The following CACNA1A variants were observed in gnomAD, a reference collection of about 807,000 sequenced individuals.
CACNA1A encodes voltage-dependent P/Q-type calcium channel subunit alpha-1A.
Under a neutral mutation model 262.4 loss-of-function variants are expected in CACNA1A, and 57 were observed. The observed-to-expected ratio is 0.22, with a 90% CI of 0.18 to 0.27. CACNA1A has a LOEUF of 0.27. Among genes scored for constraint, CACNA1A ranks in the 10% least tolerant of loss-of-function variants. The pLI, the probability that CACNA1A is intolerant of heterozygous loss-of-function variation, is 1.00. For missense variants in CACNA1A, 2,526 were observed against 3,562.8 expected, an observed-to-expected ratio of 0.71 and a Z score of 7.41; for synonymous variants, 1,431 against 1,419.3, an observed-to-expected ratio of 1.01 and a Z score of -0.18.
chr19:13,304,434 G>C (rs946914896), intron 15 of CACNA1A, among the ~76,000 whole-genome samples: 1 of 151,788 alleles, frequency 6.6e-6, no homozygotes, highest in African/African-American at 2.4e-5. Flanking sequence ...TTCAAGATTA[G>C]CCTGGGCAAT....
chr19:13,318,790 C>T lies in CACNA1A; in HGVS notation c.1346-1469G>A, dbSNP rs2058183819. ...ACAAAGGAATGGATGAATTGGTGAA[C>T]CCCTTAAGGGATGGAGCTCTCATCC... On this transcript the variant is annotated intron_variant, in intron 10 of 46. Transcript: ENST00000360228. Among the ~76,000 whole-genome samples the T allele has an allele frequency of 1.3e-5, 2 of 152,054 alleles. 1 individual carries two copies. Among genetic ancestry groups the T allele is most frequent in the South Asian group, 4.2e-4 (2 of 4,810 alleles).
At chr19:13,274,300 C>G (rs2057096018) in intron 24 of CACNA1A, 1 of 152,126 alleles carries the variant, frequency 6.6e-6, no homozygotes, top group African/African-American at 2.4e-5. Context: ...AGAGAAGAAT[C>G]TAAGTGTGGC....
intron 6 of CACNA1A, among the ~76,000 whole-genome samples, chr19:13,344,104 C>T (rs1260526038): frequency 2.6e-5 from 4 of 151,232 alleles, no homozygotes; most frequent in Non-Finnish European, 4.4e-5. Context: ...GTCCCAGCTA[C>T]TGGGGATGCT....
At chr19:13,337,528 G>A (rs190642692) in intron 6 of CACNA1A, among the ~76,000 whole-genome samples, 30 of 152,146 alleles carry the variant, frequency 2.0e-4, no homozygotes, top group Non-Finnish European at 3.2e-4. Flanking sequence ...CAAAAATAAC[G>A]GCAGTTTTGC....
chr19:13,435,891 C>A (rs1165564762), intron 3 of CACNA1A, among the ~76,000 whole-genome samples: 1 of 152,170 alleles, frequency 6.6e-6, no homozygotes, highest in African/African-American at 2.4e-5. Context: ...GTGGCGCAGA[C>A]TCAGCTCACT....
intron 6 of CACNA1A, among the ~76,000 whole-genome samples, chr19:13,354,234 C>A (rs77900669): frequency 2.6e-5 from 4 of 152,288 alleles, no homozygotes; most frequent in Admixed American, 6.5e-5. Flanking sequence ...ATGCTTGGAG[C>A]GACTGTCTGG....
At chr19:13,407,178 C>G (rs898924792) in intron 3 of CACNA1A, among the ~76,000 whole-genome samples, 5 of 152,182 alleles carry the variant, frequency 3.3e-5, no homozygotes, top group African/African-American at 1.2e-4. Flanking sequence ...ACCAAATGGT[C>G]ATTTTCTGTT....
intron 28 of CACNA1A, among the ~76,000 whole-genome samples, chr19:13,255,648 C>T (rs1234701294): frequency 3.3e-5 from 5 of 151,668 alleles, no homozygotes; most frequent in Non-Finnish European, 5.9e-5. Flanking sequence ...CCTAATCCTT[C>T]TTCCCCTTCC....
chr19:13,424,820 T>C (rs532195419), intron 3 of CACNA1A, among the ~76,000 whole-genome samples: 1 of 151,930 alleles, frequency 6.6e-6, no homozygotes, highest in African/African-American at 2.4e-5. Flanking sequence ...TATTTCTTTT[T>C]TTGAGACAGA....
intron 31 of CACNA1A, among the ~76,000 whole-genome samples, chr19:13,238,932 T>A (rs1265149372): frequency 1.3e-5 from 2 of 152,106 alleles, no homozygotes; most frequent in African/African-American, 4.8e-5. Context: ...AGGCACCTCA[T>A]CTCAGTTCAG....
At position 13,455,158 on chromosome 19, in the gene CACNA1A, T is replaced by G. The variant is rs2060983904; in HGVS notation, c.348A>C (p.Ala116=). ...ATIIANCIVL[A]LEQHLPDDDK... ...CATCATCAGGCAGATGCTGCTCCAG[T>G]GCGAGGACGATGCAATTCGCTATGA... Residue 116 remains alanine (A), a synonymous_variant, in exon 2 of 47, where the codon GCA becomes GCC. Coordinates refer to ENST00000360228, the MANE Select transcript of CACNA1A (RefSeq NM_001127222.2). The G allele has an allele frequency of 2.5e-6, 4 of 1,613,060 alleles. No homozygotes were observed. In the East Asian group the frequency reaches 8.9e-5, roughly 36 times the overall value.
intron 38 of CACNA1A, among the ~76,000 whole-genome samples, chr19:13,215,421 G>T (rs550253233): frequency 8.8e-5 from 13 of 148,200 alleles, no homozygotes; most frequent in African/African-American, 3.0e-4. Context: ...CTGGGTTCAA[G>T]CGATTCTCCT....
intron 10 of CACNA1A, among the ~76,000 whole-genome samples, chr19:13,320,237 CGAGAGA>C (rs146095824): frequency 0.016 from 2,006 of 127,214 alleles, 37 homozygotes; most frequent in African/African-American, 0.041. Flanking sequence ...TTCCACAGAT[CGAGAGA>C]GAGAGAGAGA....
intron 6 of CACNA1A, among the ~76,000 whole-genome samples, chr19:13,336,584 A>AGAGAGAGAGG (rs796883032): frequency 0.059 from 5,998 of 101,072 alleles, 947 homozygotes; most frequent in South Asian, 0.14. Context: ...AGAGAGACAG[A>AGAGAGAGAGG]GAGAGAGAGG....
At chr19:13,273,816 G>A (rs1310970392) in intron 24 of CACNA1A, 5 of 151,762 alleles carry the variant, frequency 3.3e-5, no homozygotes, top group Admixed American at 1.3e-4. Flanking sequence ...GTGCGATTTC[G>A]GCTCACTGCA....
intron 15 of CACNA1A, among the ~76,000 whole-genome samples, chr19:13,305,020 G>C (rs2057872912): frequency 6.6e-6 from 1 of 152,230 alleles, no homozygotes; most frequent in African/African-American, 2.4e-5. Context: ...CCCCCTGCCT[G>C]AGGCAGACCC....
intron 14 of CACNA1A, 128 bp from the exon 15 acceptor site, chr19:13,307,982 C>T (rs1489613947): frequency 7.2e-6 from 10 of 1,391,190 alleles, no homozygotes; most frequent in Non-Finnish European, 1.0e-5. Context: ...CTGAGTGGTA[C>T]CCAGGGCCCT....
intron 43 of CACNA1A, 42 bp from the exon 44 acceptor site, chr19:13,210,694 AAG>A: frequency 1.3e-6 from 2 of 1,549,312 alleles, no homozygotes; most frequent in Non-Finnish European, 1.7e-6. Context: ...AAAAAACAGA[AAG>A]AAGAAAATAA....
chr19:13,450,494 C>T (rs891997793), intron 3 of CACNA1A: 1 of 152,268 alleles, frequency 6.6e-6, no homozygotes, highest in South Asian at 2.1e-4. Flanking sequence ...GTACCCCTCA[C>T]CGCCATCTGA....
Sources: gnomAD v4.1 joint callset for allele counts (sites outside exome capture counted in the v4.1 genomes callset) on GRCh38, gnomAD v4.1.1 for gene constraint, MANE v1.5 for transcripts, NCBI Gene and HGNC (gene_info 2026-07-23, HGNC 2026-07-21) for gene names.